DNM3: variants seen among roughly 807,000 people sequenced by gnomAD.
DNM3 encodes the protein dynamin-3.
Under a neutral mutation model 101.6 loss-of-function variants are expected in DNM3, and 47 were observed. The ratio of observed to expected loss-of-function variants is 0.46; its 90% CI spans 0.37 to 0.59. The LOEUF is 0.59. DNM3 is among the 20% of genes least tolerant of loss of function. The pLI is 0.00. For missense variants in DNM3, 849 were observed against 1,085.7 expected, an observed-to-expected ratio of 0.78 and a Z score of 3.06; for synonymous variants, 385 against 387.9, an observed-to-expected ratio of 0.99 and a Z score of 0.09.
At chr1:171,861,244 A>G (rs897523853) in intron 1 of DNM3, among the ~76,000 whole-genome samples, 2 of 152,122 alleles carry the variant, frequency 1.3e-5, no homozygotes, top group African/African-American at 4.8e-5. Context: ...AAATTGACAA[A>G]CTGATCTTAA....
At chr1:172,317,565 T>C (rs1363461417) in intron 16 of DNM3, among the ~76,000 whole-genome samples, 2 of 152,224 alleles carry the variant, frequency 1.3e-5, no homozygotes, top group African/African-American at 4.8e-5. Context: ...ATATCACCAC[T>C]GATCCCACAG....
At chr1:172,417,736 G>A (rs963737426) in intron 20 of DNM3, among the ~76,000 whole-genome samples, 2 of 151,968 alleles carry the variant, frequency 1.3e-5, no homozygotes, top group African/African-American at 4.8e-5. Context: ...TCAACCTCTG[G>A]CATTCTCTGC....
intron 17 of DNM3, among the ~76,000 whole-genome samples, chr1:172,372,059 TC>T (rs1170800206): frequency 6.3e-5 from 4 of 63,724 alleles, no homozygotes; most frequent in East Asian, 5.3e-4. Flanking sequence ...ATGCTATCCC[TC>T]CCCCCTCCCC....
chr1:171,850,172 G>A (rs1251538934), intron 1 of DNM3, among the ~76,000 whole-genome samples: 1 of 152,182 alleles, frequency 6.6e-6, no homozygotes, highest in Non-Finnish European at 1.5e-5. Flanking sequence ...AGGAGGTAAG[G>A]TGTAATTAGA....
At chr1:171,862,701 A>G (rs1057301927) in intron 1 of DNM3, among the ~76,000 whole-genome samples, 4 of 152,170 alleles carry the variant, frequency 2.6e-5, no homozygotes, top group Admixed American at 6.6e-5. Flanking sequence ...TCACCAAATT[A>G]TACTTCCAAA....
In DNM3 at chr1:172,388,655, G is replaced by T; in HGVS notation, c.2368G>T (p.Ala790Ser). 6.2e-7 allele frequency: 1 copy of T among 1,613,974 alleles called. No homozygotes were observed. ...LARPTSGRGP[A>S]PAIPSPGPHS... ...AAGGCCCACATCCGGCCGAGGACCA[G>T]CTCCTGCCATTCCCTCTCCTGGCCC... Residue 790 changes from alanine (A) to serine (S), a missense_variant, in exon 20 of 21, where the codon GCT becomes TCT. Around this residue, in one of 5 missense-constraint regions of DNM3, gnomAD observed 256 missense variants for 311.7 expected, o/e 0.82. Coordinates refer to ENST00000627582, the MANE Select transcript of DNM3 (RefSeq NM_015569.5).
At chr1:172,312,269 A>T (rs2065115331) in intron 16 of DNM3, among the ~76,000 whole-genome samples, 1 of 152,198 alleles carries the variant, frequency 6.6e-6, no homozygotes, top group African/African-American at 2.4e-5. Context: ...GTCAATTGCT[A>T]CCCTAATAAT....
chr1:172,006,283 G>T (rs1328109292), intron 4 of DNM3, among the ~76,000 whole-genome samples: 1 of 151,974 alleles, frequency 6.6e-6, no homozygotes, highest in Non-Finnish European at 1.5e-5. Context: ...TATTCTTCCT[G>T]TGTTCAACTT....
Position 171,957,220 on chromosome 1 carries a change from C to T in DNM3, c.236-30436C>T, listed in dbSNP as rs187489402. Among the ~76,000 whole-genome samples, 520 of 136,914 alleles carry T rather than the reference C, an allele frequency of 3.8e-3. 4 individuals are homozygous for T. Among genetic ancestry groups the T allele is most frequent in the Middle Eastern group, 0.013 (3 of 224 alleles). 89.8% of individuals were successfully genotyped at this position (136,914 alleles called of 152,430 possible). ...CTTTCTTTTTTTTTTTTTTTTGAGA[C>T]GGAGTCTCGCACTGTCACCCAGGCT... On this transcript the variant is annotated intron_variant, in intron 2 of 20. Transcript: ENST00000627582.
intron 13 of DNM3, among the ~76,000 whole-genome samples, chr1:172,103,604 G>GT (rs2054807073): frequency 6.6e-6 from 1 of 152,134 alleles, no homozygotes; most frequent in Non-Finnish European, 1.5e-5. Context: ...AACTATATAT[G>GT]TAAGTACCTC....
chr1:171,909,999 C>T (rs1252214781), intron 1 of DNM3, among the ~76,000 whole-genome samples: 5 of 152,134 alleles, frequency 3.3e-5, no homozygotes, highest in African/African-American at 1.2e-4. Context: ...GAGCACACTG[C>T]GGTTGGAATG....
At chr1:172,305,755 C>T (rs148186795) in intron 15 of DNM3, among the ~76,000 whole-genome samples, 210 of 152,324 alleles carry the variant, frequency 1.4e-3, no homozygotes, top group African/African-American at 4.8e-3. Context: ...CATAATTCAT[C>T]ACATAAACAG....
At chr1:172,093,015 C>T (rs2054016567) in intron 13 of DNM3, 140 bp downstream of exon 13, 2 of 809,834 alleles carry the variant, frequency 2.5e-6, no homozygotes, top group South Asian at 2.3e-5. Context: ...TTTGTTTTTG[C>T]TTTTAAAATT....
intron 12 of DNM3, among the ~76,000 whole-genome samples, chr1:172,084,146 CTCTA>C (rs1343656665): frequency 2.0e-5 from 3 of 152,066 alleles, no homozygotes; most frequent in Admixed American, 2.0e-4. Context: ...CTCAGCCTTT[CTCTA>C]TCTGTTTACT....
At chr1:172,322,140 A>G (rs184018894) in intron 16 of DNM3, among the ~76,000 whole-genome samples, 21 of 152,286 alleles carry the variant, frequency 1.4e-4, no homozygotes, top group Admixed American at 7.8e-4. Flanking sequence ...TTTTCCAGAA[A>G]ACACACTCTC....
chr1:172,349,994 C>T (rs1179076292), intron 17 of DNM3, among the ~76,000 whole-genome samples: 4 of 152,060 alleles, frequency 2.6e-5, no homozygotes, highest in African/African-American at 9.7e-5. Context: ...AAGAAATATA[C>T]CAAAGTGGTA....
chr1:172,121,212 A>G (rs2056297152), intron 13 of DNM3, among the ~76,000 whole-genome samples: 1 of 152,164 alleles, frequency 6.6e-6, no homozygotes, highest in Admixed American at 6.5e-5. Flanking sequence ...ACACAGGAAA[A>G]AAGTGAAAAA....
At chr1:172,344,308 G>C (rs2066831535) in intron 17 of DNM3, among the ~76,000 whole-genome samples, 1 of 152,164 alleles carries the variant, frequency 6.6e-6, no homozygotes, top group African/African-American at 2.4e-5. Flanking sequence ...CTCTGCCCAG[G>C]TTATGTTACC....
chr1:171,958,190 A>C (rs1322731070), intron 2 of DNM3, among the ~76,000 whole-genome samples: 1 of 152,176 alleles, frequency 6.6e-6, no homozygotes, highest in Non-Finnish European at 1.5e-5. Flanking sequence ...AGATCTCATG[A>C]GACTTATTCA....
Sources: allele counts gnomAD v4.1 joint callset (sites outside exome capture counted in the v4.1 genomes callset), GRCh38; gene constraint gnomAD v4.1.1; regional missense constraint gnomAD v4.1.1; transcripts MANE v1.5; gene names NCBI Gene and HGNC (gene_info 2026-07-23, HGNC 2026-07-21).